Variants in KCNN2 observed in about 807,000 individuals in gnomAD.
The protein encoded by KCNN2 is small conductance calcium-activated potassium channel protein 2.
Under a neutral mutation model 55.5 loss-of-function variants are expected in KCNN2, and 24 were observed. The ratio of observed to expected loss-of-function variants is 0.43; its 90% confidence interval spans 0.31 to 0.61. The LOEUF (loss-of-function observed/expected upper bound fraction) is 0.61, where lower values mean the gene tolerates loss of function less well. Ranked by LOEUF, KCNN2 falls within the 20% of genes least tolerant of loss-of-function variation. The probability of loss-of-function intolerance (pLI) is 0.08; values close to 1 mark genes in which losing one functional copy is unlikely to be tolerated. For synonymous variants in KCNN2, 431 were observed against 336.1 expected (o/e 1.28, Z -3.09); for missense variants, 754 against 853.6 (o/e 0.88, Z 1.45).
chr5:114,464,585 G>A (rs764926213), intron 4 of KCNN2, among the ~76,000 whole-genome samples: 1 of 152,140 alleles, frequency 6.6e-6, no homozygotes, highest in African/African-American at 2.4e-5. Flanking sequence ...TGGAAGGAGA[G>A]CGTGCCCTTG....
chr5:114,458,852 G>A (rs1017457655), intron 3 of KCNN2, among the ~76,000 whole-genome samples: 1 of 152,140 alleles, frequency 6.6e-6, no homozygotes, highest in Non-Finnish European at 1.5e-5. Context: ...TAGAGAGAAG[G>A]GGGGACGTGT....
chr5:114,199,287 C>T (rs930391595), intron 1 of KCNN2, among the ~76,000 whole-genome samples: 8 of 151,926 alleles, frequency 5.3e-5, no homozygotes, highest in Admixed American at 2.0e-4. Context: ...TTTTTCTATC[C>T]ATGTACTTTC....
At chr5:114,210,443 TG>T (rs1181218743) in intron 1 of KCNN2, among the ~76,000 whole-genome samples, 2 of 152,154 alleles carry the variant, frequency 1.3e-5, no homozygotes, top group Non-Finnish European at 2.9e-5. Context: ...TCAGTATTCA[TG>T]GAGAGTTTAT....
At chr5:114,380,417 T>C (rs1277855924) in intron 2 of KCNN2, among the ~76,000 whole-genome samples, 1 of 152,230 alleles carries the variant, frequency 6.6e-6, no homozygotes, top group Non-Finnish European at 1.5e-5. Context: ...TGTAGATTCC[T>C]GCAGTTCAAT....
At chr5:114,367,647 G>A (rs1456478300) in intron 2 of KCNN2, among the ~76,000 whole-genome samples, 1 of 150,794 alleles carries the variant, frequency 6.6e-6, no homozygotes, top group Non-Finnish European at 1.5e-5. Flanking sequence ...GCTTTTCAGT[G>A]ACATTTTTTT....
chr5:114,161,781 C>T (rs1752791123), intron 1 of KCNN2, among the ~76,000 whole-genome samples: 1 of 152,202 alleles, frequency 6.6e-6, no homozygotes, highest in Non-Finnish European at 1.5e-5. Flanking sequence ...CCCTTTCTTC[C>T]AGTTGATCAC....
intron 3 of KCNN2, among the ~76,000 whole-genome samples, chr5:114,454,485 A>G (rs1291300530): frequency 6.6e-6 from 1 of 152,176 alleles, no homozygotes; most frequent in Non-Finnish European, 1.5e-5. Context: ...TGATATTATT[A>G]ATACATGAAT....
chr5:114,363,601 A>ACTC (rs989740570), intron 1 of KCNN2, among the ~76,000 whole-genome samples: 4 of 151,882 alleles, frequency 2.6e-5, no homozygotes, highest in African/African-American at 9.7e-5. Context: ...GCTCTCTTGA[A>ACTC]CTCAGAAGTA....
chr5:114,352,316 T>C (rs1757219492), intron 2 of KCNN2, among the ~76,000 whole-genome samples: 2 of 150,206 alleles, frequency 1.3e-5, no homozygotes, highest in African/African-American at 5.0e-5. Context: ...TCTTTCTCTT[T>C]CTTTTTTTTT....
intron 1 of KCNN2, among the ~76,000 whole-genome samples, chr5:114,168,546 T>G (rs1237937877): frequency 1.3e-5 from 2 of 152,118 alleles, no homozygotes; most frequent in African/African-American, 4.8e-5. Flanking sequence ...TCATTTGCAG[T>G]AAATTTTGTT....
chr5:114,297,739 TATA>T (rs532397386), intron 2 of KCNN2, among the ~76,000 whole-genome samples: 69 of 152,322 alleles, frequency 4.5e-4, no homozygotes, highest in African/African-American at 1.6e-3. Context: ...ATATAAAGGA[TATA>T]ATATTGATTT....
chr5:114,192,541 A>G (rs985398168), intron 1 of KCNN2, among the ~76,000 whole-genome samples: 1 of 152,102 alleles, frequency 6.6e-6, no homozygotes, highest in Non-Finnish European at 1.5e-5. Context: ...TGGATTAAAG[A>G]TGCCTCAGGG....
At chr5:114,426,433 A>G (rs1759627525) in intron 3 of KCNN2, among the ~76,000 whole-genome samples, 2 of 152,208 alleles carry the variant, frequency 1.3e-5, no homozygotes, top group African/African-American at 4.8e-5. Flanking sequence ...ATCCATATTC[A>G]TAAAAGATAC....
intron 3 of KCNN2, among the ~76,000 whole-genome samples, chr5:114,409,715 T>C (rs1759067998): frequency 6.6e-6 from 1 of 152,328 alleles, no homozygotes; most frequent in African/African-American, 2.4e-5. Context: ...CCTGTCCTTC[T>C]AGGAGCACAA....
intron 2 of KCNN2, among the ~76,000 whole-genome samples, chr5:114,225,485 C>T (rs1056716114): frequency 6.6e-6 from 1 of 152,144 alleles, no homozygotes; most frequent in African/African-American, 2.4e-5. Flanking sequence ...ACACCAATTA[C>T]AAGTCACCAG....
intron 3 of KCNN2, among the ~76,000 whole-genome samples, chr5:114,408,806 C>T (rs1205630687): frequency 1.3e-5 from 2 of 152,104 alleles, no homozygotes; most frequent in Non-Finnish European, 2.9e-5. Flanking sequence ...CTGTTTTAAC[C>T]CATTATCACT....
At chr5:114,432,295 A>G (rs56247741) in intron 3 of KCNN2, among the ~76,000 whole-genome samples, 1,804 of 152,278 alleles carry the variant, frequency 0.012, 29 homozygotes, top group African/African-American at 0.037. Flanking sequence ...GTCTCCTTGG[A>G]AGATTGACCT....
intron 1 of KCNN2, among the ~76,000 whole-genome samples, chr5:114,107,491 C>T (rs1751513140): frequency 6.6e-6 from 1 of 152,032 alleles, no homozygotes; most frequent in African/African-American, 2.4e-5. Context: ...CTCAAGTGAT[C>T]CTTCTACCTC....
intron 2 of KCNN2, chr5:114,253,839 G>A (rs1054645812): frequency 5.3e-5 from 8 of 151,972 alleles, no homozygotes; most frequent in Non-Finnish European, 7.4e-5. Flanking sequence ...ATTATTTTTC[G>A]AAATAGTTTC....
Sources: allele counts gnomAD v4.1 joint callset (sites outside exome capture counted in the v4.1 genomes callset), GRCh38; gene constraint gnomAD v4.1.1; transcripts MANE v1.5; gene names NCBI Gene and HGNC (gene_info 2026-07-23, HGNC 2026-07-21).